DACH1: variants seen among roughly 807,000 people sequenced by gnomAD.
The protein encoded by DACH1 is dachshund homolog 1.
A neutral mutation model predicts 54.2 loss-of-function variants in DACH1; 12 were observed. The observed-to-expected ratio is 0.22, with a 90% CI of 0.14 to 0.36. The LOEUF (loss-of-function observed/expected upper bound fraction) is 0.36, where lower values mean the gene tolerates loss of function less well. DACH1 is among the 10% of genes least tolerant of loss of function. DACH1 has a pLI of 1.00. For missense variants in DACH1, 805 were observed against 929.8 expected, an observed-to-expected ratio of 0.87 and a Z score of 1.75; for synonymous variants, 386 against 366.2, an observed-to-expected ratio of 1.05 and a Z score of -0.62.
chr13:71,543,271 T>A (rs1458450771), intron 6 of DACH1, among the ~76,000 whole-genome samples: 2 of 152,136 alleles, frequency 1.3e-5, no homozygotes, highest in Non-Finnish European at 2.9e-5. Flanking sequence ...GTCTGGAGGA[T>A]ACACTGGAAT....
At chr13:71,799,633 G>A (rs190933172) in intron 1 of DACH1, among the ~76,000 whole-genome samples, 5 of 152,072 alleles carry the variant, frequency 3.3e-5, no homozygotes, top group Non-Finnish European at 5.9e-5. Context: ...AGGTTCATTC[G>A]GCACCCTGAC....
intron 1 of DACH1, among the ~76,000 whole-genome samples, chr13:71,682,637 T>C (rs1880971935): frequency 6.6e-6 from 1 of 152,200 alleles, no homozygotes; most frequent in Non-Finnish European, 1.5e-5. Context: ...ACTTTTAATA[T>C]ACTAAAATAT....
chr13:71,684,995 A>T (rs1881089912), intron 1 of DACH1, among the ~76,000 whole-genome samples: 1 of 152,286 alleles, frequency 6.6e-6, no homozygotes, highest in East Asian at 1.9e-4. Context: ...GCAAGATGCT[A>T]CAGAAAAAGT....
chr13:71,702,123 C>T (rs964529151), intron 1 of DACH1, among the ~76,000 whole-genome samples: 7 of 152,016 alleles, frequency 4.6e-5, no homozygotes, highest in African/African-American at 1.2e-4. Context: ...TTAAAAGTTA[C>T]GCAAGTCACA....
chr13:71,588,275 G>A (rs1873425958), intron 3 of DACH1, among the ~76,000 whole-genome samples: 1 of 151,974 alleles, frequency 6.6e-6, no homozygotes, highest in Non-Finnish European at 1.5e-5. Flanking sequence ...GTTGGCCAAT[G>A]GACTTTGTTT....
chr13:71,485,530 C>CT (rs1019925896), intron 7 of DACH1, among the ~76,000 whole-genome samples: 16 of 88,134 alleles, frequency 1.8e-4, no homozygotes, highest in East Asian at 9.6e-4. Context: ...TTTTACAGGT[C>CT]TTTTTTTTTC....
At chr13:71,844,871 A>G (rs1012520456) in intron 1 of DACH1, among the ~76,000 whole-genome samples, 1 of 152,164 alleles carries the variant, frequency 6.6e-6, no homozygotes, top group South Asian at 2.1e-4. Flanking sequence ...AGAAAGTTAA[A>G]CACTACTTGT....
At chr13:71,547,692 A>G (rs537784159) in intron 6 of DACH1, among the ~76,000 whole-genome samples, 2 of 152,256 alleles carry the variant, frequency 1.3e-5, no homozygotes, top group East Asian at 3.9e-4. Context: ...ATCTCCTTTA[A>G]AATACCTTCA....
intron 10 of DACH1, among the ~76,000 whole-genome samples, chr13:71,447,269 A>C (rs958174353): frequency 3.3e-5 from 5 of 152,170 alleles, no homozygotes; most frequent in African/African-American, 1.2e-4. Flanking sequence ...CAACCATCAA[A>C]TCAGACCCAG....
chr13:71,596,848 T>C (rs1163627670), intron 3 of DACH1, among the ~76,000 whole-genome samples: 1 of 152,138 alleles, frequency 6.6e-6, no homozygotes, highest in Non-Finnish European at 1.5e-5. Flanking sequence ...TATTCAAAAT[T>C]TGTGGGCAAA....
At chr13:71,598,323 C>G (rs771311871) in intron 3 of DACH1, among the ~76,000 whole-genome samples, 1 of 152,070 alleles carries the variant, frequency 6.6e-6, no homozygotes, top group Non-Finnish European at 1.5e-5. Flanking sequence ...GGCGCAATCT[C>G]AGCTCACTGC....
intron 6 of DACH1, among the ~76,000 whole-genome samples, chr13:71,540,247 G>A (rs1241015482): frequency 1.3e-5 from 2 of 152,050 alleles, no homozygotes; most frequent in East Asian, 3.9e-4. Flanking sequence ...ACAGCATCTG[G>A]AAACCTAAGC....
At chr13:71,459,352 T>G (rs2138135407) in intron 10 of DACH1, among the ~76,000 whole-genome samples, 1 of 151,968 alleles carries the variant, frequency 6.6e-6, no homozygotes, top group East Asian at 1.9e-4. Context: ...TTCATCCATA[T>G]TTTTTCCATT....
At chr13:71,775,593 A>G (rs1403916032) in intron 1 of DACH1, among the ~76,000 whole-genome samples, 1 of 152,174 alleles carries the variant, frequency 6.6e-6, no homozygotes, top group African/African-American at 2.4e-5. Context: ...GTTCTTATGT[A>G]TTTATATGTA....
intron 6 of DACH1, among the ~76,000 whole-genome samples, chr13:71,552,021 G>T (rs550808424): frequency 6.6e-6 from 1 of 152,188 alleles, no homozygotes; most frequent in South Asian, 2.1e-4. Context: ...GCCTCCCTCA[G>T]ATTAGTCCTG....
At chr13:71,821,688 T>C (rs1315609924) in intron 1 of DACH1, among the ~76,000 whole-genome samples, 1 of 152,162 alleles carries the variant, frequency 6.6e-6, no homozygotes, top group East Asian at 1.9e-4. Context: ...TTTGCTCCTG[T>C]ATGCCATCAT....
chr13:71,464,648 C>G, intron 10 of DACH1: 4 of 447,986 alleles, frequency 8.9e-6, no homozygotes, highest in South Asian at 6.4e-5. Context: ...TTAAGGGAAC[C>G]ATTAATTACT....
intron 1 of DACH1, among the ~76,000 whole-genome samples, chr13:71,683,915 T>C (rs1337685666): frequency 6.6e-6 from 1 of 152,136 alleles, no homozygotes; most frequent in African/African-American, 2.4e-5. Flanking sequence ...TATAATAATC[T>C]AAGACTCAGC....
chr13:71,674,186 A>G (rs932722301), intron 2 of DACH1, among the ~76,000 whole-genome samples: 2 of 152,178 alleles, frequency 1.3e-5, no homozygotes, highest in Non-Finnish European at 2.9e-5. Context: ...TTCTGTGTGC[A>G]TATCTACCAT....
Sources: gnomAD v4.1 joint callset for allele counts (sites outside exome capture counted in the v4.1 genomes callset) on GRCh38, gnomAD v4.1.1 for gene constraint, MANE v1.5 for transcripts, NCBI Gene and HGNC (gene_info 2026-07-23, HGNC 2026-07-21) for gene names.